ENDOV: variants seen among roughly 807,000 people sequenced by gnomAD.
ENDOV encodes the protein endonuclease V, also known as hEndoV.
A neutral mutation model predicts 39.4 loss-of-function variants in ENDOV; 37 were observed. The observed-to-expected ratio is 0.94, with a 90% CI of 0.72 to 1.23. The LOEUF (loss-of-function observed/expected upper bound fraction) is 1.23, where lower values mean the gene tolerates loss of function less well. Ranked by LOEUF, ENDOV falls within the 50% of genes most tolerant of loss-of-function variation. ENDOV has a pLI of 0.00. For synonymous variants in ENDOV, 186 were observed against 163.4 expected, an observed-to-expected ratio of 1.14 and a Z score of -1.05; for missense variants, 441 against 375.7, an observed-to-expected ratio of 1.17 and a Z score of -1.44.
intron 2 of ENDOV, chr17:80,420,091 T>G (rs1026835904): frequency 2.8e-5 from 6 of 215,228 alleles, no homozygotes; most frequent in Admixed American, 1.6e-4. Flanking sequence ...CTCGCGCACA[T>G]GCGCTCTTTG....
intron 9 of ENDOV, 42 bp downstream of exon 9, chr17:80,429,873 A>G: frequency 1.2e-6 from 2 of 1,612,606 alleles, no homozygotes; most frequent in Non-Finnish European, 1.7e-6. Context: ...AGGCCCCAGG[A>G]CAGCCCCAAG....
At position 80,425,056 on chromosome 17, in the gene ENDOV, G is replaced by A; in HGVS notation, c.541G>A (p.Asp181Asn). The part of the protein sequence containing the change: ...EKIRLLQTRG[D>N]SFPLLGDSGT... ...GATCCGACTCCTGCAGACTCGAGGAGACTCATTCCCTCTGCTGGGAGACTC... is the reference window on the plus strand; with the variant it reads ...GATCCGACTCCTGCAGACTCGAGGAAACTCATTCCCTCTGCTGGGAGACTC... The change falls in exon 6 of 10, where the codon GAC (aspartate) becomes AAC (asparagine). Residue 181 changes from aspartate (D) to asparagine (N), a missense_variant. Transcript: ENST00000518137. 2 of 1,612,544 alleles carry A rather than the reference G, an allele frequency of 1.2e-6. No homozygotes were observed. Among genetic ancestry groups the A allele is most frequent in the South Asian group, 2.2e-5 (2 of 90,624 alleles).
In ENDOV at chr17:80,425,536, C is replaced by A. The variant is rs745701608; in HGVS notation, c.630C>A (p.Ser210=). 1 of 1,596,070 alleles carries A rather than the reference C, an allele frequency of 6.3e-7. No homozygotes were observed. The highest frequency in any genetic ancestry group is 8.5e-7 in the Non-Finnish European group (1 of 1,174,688). ...HDRSTRPLYI[S]VGHRMSLEAA... is the part of the protein sequence containing the mutation. ...GCAGCACCAGGCCCCTCTACATCTC[C>A]GTGGGCCACAGGATGAGCCTGGAGG... is the stretch of plus-strand genomic sequence containing the variant. Residue 210 remains serine, a synonymous_variant, in exon 7 of 10, where the codon TCC becomes TCA. Transcript: ENST00000518137.
intron 7 of ENDOV, among the ~76,000 whole-genome samples, chr17:80,428,130 G>T (rs1451825914): frequency 6.6e-6 from 1 of 152,206 alleles, no homozygotes; most frequent in Non-Finnish European, 1.5e-5. Flanking sequence ...TGATTCTGGA[G>T]ACGGGACAGG....
intron 2 of ENDOV, chr17:80,417,202 C>G (rs2081329154): frequency 6.6e-6 from 1 of 152,312 alleles, no homozygotes; most frequent in Non-Finnish European, 1.5e-5. Flanking sequence ...CACCACTATT[C>G]TCAGTTCTTC....
At chr17:80,427,158 T>C (rs959782583) in intron 7 of ENDOV, among the ~76,000 whole-genome samples, 17 of 152,186 alleles carry the variant, frequency 1.1e-4, no homozygotes, top group African/African-American at 4.1e-4. Context: ...AGGGCTTTGC[T>C]CAGGGCACAG....
intron 9 of ENDOV, among the ~76,000 whole-genome samples, chr17:80,434,014 G>A (rs958798431): frequency 4.6e-5 from 7 of 152,124 alleles, no homozygotes; most frequent in African/African-American, 1.5e-4. Flanking sequence ...GTTCCAGAAC[G>A]GTTTTTTACC....
chr17:80,425,419 A>G, intron 6 of ENDOV, 73 bp from the exon 7 acceptor site: 1 of 1,517,840 alleles, frequency 6.6e-7, no homozygotes, highest in Non-Finnish European at 8.8e-7. Flanking sequence ...TCAGAGCTCC[A>G]GCTGCTGAGG....
intron 7 of ENDOV, 182 bp from the exon 8 acceptor site, chr17:80,428,414 C>A (rs748990492): frequency 3.2e-6 from 2 of 625,946 alleles, no homozygotes; most frequent in Admixed American, 2.9e-5. Flanking sequence ...CCCCAAAGTC[C>A]CAGGCATGCC....
At chr17:80,419,353 C>T (rs1486031741) in intron 2 of ENDOV, 12 of 515,686 alleles carry the variant, frequency 2.3e-5, no homozygotes, top group Non-Finnish European at 2.4e-5. Context: ...CCTTAGCATC[C>T]CTGACAAACG....
chr17:80,423,975 AC>A, intron 5 of ENDOV: 1 of 191,380 alleles, frequency 5.2e-6, no homozygotes, highest in Non-Finnish European at 1.0e-5. Context: ...TGCTTTCCCC[AC>A]CCCGCCTTGC....
chr17:80,434,514 C>G (rs1400513069), intron 9 of ENDOV, among the ~76,000 whole-genome samples: 1 of 152,202 alleles, frequency 6.6e-6, no homozygotes, highest in Admixed American at 6.5e-5. Context: ...TTCTGAGAAA[C>G]TGCCAGACTT....
chr17:80,430,436 CAG>C (rs2083263799), intron 9 of ENDOV: 1 of 1,379,692 alleles, frequency 7.2e-7, no homozygotes, highest in Admixed American at 2.2e-5. Flanking sequence ...CTTGCAAAAT[CAG>C]GGTTCATTTT....
At chr17:80,429,856 A>G in intron 9 of ENDOV, 25 bp downstream of exon 9, 1 of 1,612,742 alleles carries the variant, frequency 6.2e-7, no homozygotes, top group South Asian at 1.1e-5. Context: ...CCACAGGACC[A>G]CAGCCCAGGC....
rs1435316421 is a variant in ENDOV, at chr17:80,421,972, T to C, written c.363+10T>C. The C allele has an allele frequency of 6.2e-7, 1 of 1,606,766 alleles. No individual in the cohort carries two copies. Among genetic ancestry groups the C allele is most frequent in the African/African-American group, 1.3e-5 (1 of 74,966 alleles). ...GGGCCTCATGCCCCAGGCAGGTGTC[T>C]CATCCCTAGGACGAGAGAAAGGTCC... is the stretch of plus-strand genomic sequence containing the variant. On this transcript the variant is annotated intron_variant, in intron 3 of 9. Coordinates refer to ENST00000518137, the MANE Select transcript of ENDOV (RefSeq NM_173627.5).
rs41298664 is a variant in ENDOV, at chr17:80,416,178, G to C, written c.228+357G>C. ...CTTGAACCCGGGAGGCGGAGGTTGC[G>C]GTGAGCCAACATCACGCCATTGCAC... is the stretch of plus-strand genomic sequence containing the variant. On this transcript the variant is annotated intron_variant, in intron 2 of 9. Transcript: ENST00000518137. 664 of 184,666 alleles carry C rather than the reference G, an allele frequency of 3.6e-3. 3 individuals carry two copies. The highest frequency in any genetic ancestry group is 0.016 in the African/African-American group (645 of 40,696). The allele number at this position is 184,666 out of a possible 1,614,324, so 11.4% of individuals were successfully genotyped here.
chr17:80,420,884 TCA>T (rs1209506546), intron 2 of ENDOV, among the ~76,000 whole-genome samples: 2 of 152,094 alleles, frequency 1.3e-5, no homozygotes, highest in African/African-American at 4.8e-5. Context: ...TCCATGTTGG[TCA>T]GGCTGGTCTT....
At chr17:80,430,280 C>T (rs543533158) in intron 9 of ENDOV, 23 of 1,490,420 alleles carry the variant, frequency 1.5e-5, no homozygotes, top group African/African-American at 8.4e-5. Context: ...GCAGCCTGCA[C>T]GACCCCTGCA....
At chr17:80,423,149 A>C (rs1382132321) in intron 4 of ENDOV, among the ~76,000 whole-genome samples, 1 of 152,220 alleles carries the variant, frequency 6.6e-6, no homozygotes, top group East Asian at 1.9e-4. Context: ...TGCAGAGCCA[A>C]AGGGTTGTCA....
Sources: gnomAD v4.1 joint callset for allele counts (sites outside exome capture counted in the v4.1 genomes callset) on GRCh38, gnomAD v4.1.1 for gene constraint, MANE v1.5 for transcripts, NCBI Gene and HGNC (gene_info 2026-07-23, HGNC 2026-07-21) for gene names.